OCA2: variants seen among roughly 807,000 people sequenced by gnomAD.
OCA2 encodes P protein.
OCA2 carries 77 observed loss-of-function variants against 100.2 expected under a neutral mutation model. The ratio of observed to expected loss-of-function variants is 0.77; its 90% CI spans 0.64 to 0.93. The LOEUF is 0.93. OCA2 is among the 40% of genes least tolerant of loss of function. OCA2 has a pLI of 0.00. For missense variants in OCA2, 1,062 were observed against 1,089.1 expected (o/e 0.98, Z 0.35); for synonymous variants, 432 against 439.2 (o/e 0.98, Z 0.21).
the OCA2 span, among the ~76,000 whole-genome samples, chr15:27,721,802 T>C: frequency 2.6e-5 from 4 of 152,238 alleles, no homozygotes; most frequent in African/African-American, 9.6e-5. Flanking sequence ...TTTAAAGCCA[T>C]AGAATCTTTT....
chr15:27,947,446 G>C (rs1567140502), intron 18 of OCA2, among the ~76,000 whole-genome samples: 1 of 152,128 alleles, frequency 6.6e-6, no homozygotes, highest in Non-Finnish European at 1.5e-5. Context: ...CTTTGCCATT[G>C]TGCCACCTCT....
Position 27,966,735 on chromosome 15 carries a change from A to T in OCA2, c.1591T>A (p.Tyr531Asn). 6.2e-7 allele frequency: 1 copy of T among 1,614,012 alleles called. No individual in the cohort carries two copies. The highest frequency in any genetic ancestry group is 8.5e-7 in the Non-Finnish European group (1 of 1,180,014). The change falls in exon 15 of 24, where the codon TAC (tyrosine) becomes AAC (asparagine). Residue 531 changes from tyrosine (Y) to asparagine (N), a missense_variant. Coordinates refer to ENST00000354638, the MANE Select transcript of OCA2 (RefSeq NM_000275.3). ...TTGTTATAAAGCTTTCTGTTCCAGT[A>T]AAGGAGTCTGAGGAGCGGAAAGCAG... ...LVCFPLLRLL[Y>N]WNRKLYNKEP...
At chr15:27,942,919 T>C (rs1197138250) in intron 18 of OCA2, among the ~76,000 whole-genome samples, 5 of 152,326 alleles carry the variant, frequency 3.3e-5, no homozygotes, top group South Asian at 2.1e-4. Context: ...TCATCTAAGA[T>C]GAATATTTGA....
At chr15:28,078,593 G>T (rs184108556) in intron 2 of OCA2, among the ~76,000 whole-genome samples, 1 of 152,148 alleles carries the variant, frequency 6.6e-6, no homozygotes, top group African/African-American at 2.4e-5. Context: ...AACCACACCC[G>T]GCCAACAACC....
intron 18 of OCA2, among the ~76,000 whole-genome samples, chr15:27,947,042 C>T (rs2039863533): frequency 6.6e-6 from 1 of 152,214 alleles, no homozygotes; most frequent in Non-Finnish European, 1.5e-5. Flanking sequence ...CCCAATCATA[C>T]ACTTTTTCTC....
intron 16 of OCA2, among the ~76,000 whole-genome samples, chr15:27,956,720 G>A (rs1035017067): frequency 6.6e-5 from 10 of 152,182 alleles, no homozygotes; most frequent in South Asian, 4.1e-4. Flanking sequence ...CAGCATTACT[G>A]GGCGAGATGG....
At chr15:27,734,064 G>A in the OCA2 span, among the ~76,000 whole-genome samples, 1 of 151,128 alleles carries the variant, frequency 6.6e-6, no homozygotes, top group Non-Finnish European at 1.5e-5. Context: ...GGAGGCTGAT[G>A]CAGGAGAATT....
intron 19 of OCA2, among the ~76,000 whole-genome samples, chr15:27,910,939 G>A (rs1042582978): frequency 6.6e-6 from 1 of 151,496 alleles, no homozygotes; most frequent in Non-Finnish European, 1.5e-5. Context: ...CTGGGCAACA[G>A]AGTGAGACTC....
At chr15:27,869,350 G>A (rs778778785) in intron 21 of OCA2, among the ~76,000 whole-genome samples, 3 of 152,220 alleles carry the variant, frequency 2.0e-5, no homozygotes, top group Non-Finnish European at 4.4e-5. Context: ...GAAGAACAGA[G>A]ACCTGCCTGT....
intron 11 of OCA2, among the ~76,000 whole-genome samples, chr15:27,988,420 G>A (rs1303673244): frequency 2.0e-5 from 3 of 152,156 alleles, no homozygotes; most frequent in African/African-American, 7.2e-5. Flanking sequence ...TTAAAATGAG[G>A]TTGTTAGGGT....
At chr15:27,812,566 T>C (rs1373971481) in intron 23 of OCA2, among the ~76,000 whole-genome samples, 1 of 152,252 alleles carries the variant, frequency 6.6e-6, no homozygotes, top group Non-Finnish European at 1.5e-5. Flanking sequence ...TACGTTAAGC[T>C]GCATTGTGAA....
intron 2 of OCA2, among the ~76,000 whole-genome samples, chr15:28,074,351 A>AAC: frequency 6.6e-6 from 1 of 151,774 alleles, no homozygotes; most frequent in Non-Finnish European, 1.5e-5. Flanking sequence ...CCAGCTGGCC[A>AAC]ACATAGTGAA....
At chr15:27,991,923 T>C (rs1487271029) in intron 9 of OCA2, among the ~76,000 whole-genome samples, 3 of 152,228 alleles carry the variant, frequency 2.0e-5, no homozygotes, top group Non-Finnish European at 4.4e-5. Flanking sequence ...TTATAATGTG[T>C]AGTACTAGAT....
chr15:28,093,928 T>A (rs576346400), intron 1 of OCA2, among the ~76,000 whole-genome samples: 1 of 152,140 alleles, frequency 6.6e-6, no homozygotes, highest in Non-Finnish European at 1.5e-5. Flanking sequence ...TTGTCCGGGG[T>A]TGAGTAGGGG....
chr15:27,986,699 C>T (rs938032219), intron 11 of OCA2, 56 bp from the exon 12 acceptor site: 11 of 1,145,808 alleles, frequency 9.6e-6, no homozygotes, highest in Admixed American at 1.7e-5. Context: ...CATATTAAAA[C>T]GACATCAGCA....
the OCA2 span, among the ~76,000 whole-genome samples, chr15:27,741,546 C>T: frequency 6.6e-6 from 1 of 152,130 alleles, no homozygotes; most frequent in African/African-American, 2.4e-5. Flanking sequence ...ATCCTGAGTA[C>T]GGTTGGGCAA....
At chr15:27,912,163 A>G (rs1430903356) in intron 19 of OCA2, among the ~76,000 whole-genome samples, 1 of 152,218 alleles carries the variant, frequency 6.6e-6, no homozygotes, top group African/African-American at 2.4e-5. Flanking sequence ...AAATTAATAT[A>G]TAGATACAGA....
At position 27,779,167 on chromosome 15, in the gene OCA2, A is replaced by C. The variant is rs139522065; in HGVS notation, c.2433-23695T>G. ...TGATTCTAATCCTCTTAAATTTGTTAAAACTGGTTTGGTGACCTAATATGT... is the reference window on the plus strand; with the variant it reads ...TGATTCTAATCCTCTTAAATTTGTTCAAACTGGTTTGGTGACCTAATATGT... On this transcript the variant is annotated intron_variant, in intron 23 of 23. Coordinates refer to ENST00000354638, the MANE Select transcript of OCA2 (RefSeq NM_000275.3). 5.1e-3 allele frequency among the ~76,000 whole-genome samples: 770 copies of C among 152,342 alleles called. 1 individual carries two copies. The highest frequency in any genetic ancestry group is 0.017 in the African/African-American group (727 of 41,576).
rs1459238824 is a variant in OCA2, at chr15:28,043,407, G to C, written c.228-11244C>G. On this transcript the variant is annotated intron_variant, in intron 2 of 23. Transcript: ENST00000354638. This position sits in a 1 kb window ranked among gnomAD's most constrained non-coding sequence, Gnocchi z 4.4. ...TTCTATCCAGCTTGCTGTGAAGCTGGTGATCGCTCAATAAATCTCCAAAAA... is the reference window on the plus strand; with the variant it reads ...TTCTATCCAGCTTGCTGTGAAGCTGCTGATCGCTCAATAAATCTCCAAAAA... Among the ~76,000 whole-genome samples, 1 of 152,170 alleles carries C rather than the reference G, an allele frequency of 6.6e-6. No homozygotes were observed. Among genetic ancestry groups the C allele is most frequent in the Non-Finnish European group, 1.5e-5 (1 of 68,040 alleles).
Sources: allele counts gnomAD v4.1 joint callset (sites outside exome capture counted in the v4.1 genomes callset), GRCh38; gene constraint gnomAD v4.1.1; non-coding constraint Gnocchi (gnomAD v3.1); transcripts MANE v1.5; gene names NCBI Gene and HGNC (gene_info 2026-07-23, HGNC 2026-07-21).